TCF20: variants seen among roughly 807,000 people sequenced by gnomAD.
The protein encoded by TCF20 is SPRE-binding protein.
In TCF20, 3 loss-of-function variants were observed where a neutral mutation model predicts 148.6. The ratio of observed to expected loss-of-function variants is 0.02; its 90% CI spans 0.01 to 0.05. TCF20 has a LOEUF of 0.05. Ranked by LOEUF, TCF20 falls within the 10% of genes least tolerant of loss-of-function variation. The pLI, the probability that TCF20 is intolerant of heterozygous loss-of-function variation, is 1.00. For synonymous variants in TCF20, 1,049 were observed against 909.5 expected (o/e 1.15, Z -2.76); for missense variants, 2,350 against 2,429.3 (o/e 0.97, Z 0.69).
Position 42,211,179 on chromosome 22 carries a change from C to A in TCF20, c.4127G>T (p.Gly1376Val), listed in dbSNP as rs756498199. The change falls in exon 2 of 6, where the codon GGG becomes GTG. Residue 1376 changes from glycine (G) to valine (V), a missense_variant. This residue lies in a region of TCF20 where 231 missense variants were observed against 213.7 expected (regional missense o/e 1.08). Transcript: ENST00000677622. ...ATCATCAAGCGTAACCGTGTCTCCC[C>A]CAGCCTCCGCACTGTTCGAAGATGC... is the stretch of plus-strand genomic sequence containing the variant. ...RSASSNSAEA[G>V]GDTVTLDDIL... 1.2e-6 allele frequency: 2 copies of A among 1,614,198 alleles called. No individual in the cohort carries two copies. The highest frequency in any genetic ancestry group is 1.7e-6 in the Non-Finnish European group (2 of 1,180,042).
intron 1 of TCF20, among the ~76,000 whole-genome samples, chr22:42,218,155 C>T (rs1296587073): frequency 1.4e-4 from 21 of 152,198 alleles, no homozygotes; most frequent in Non-Finnish European, 4.4e-5. Context: ...AACACTAGCA[C>T]GCTCCTTTTA....
intron 2 of TCF20, among the ~76,000 whole-genome samples, chr22:42,203,540 A>T (rs1349308729): frequency 6.6e-6 from 1 of 152,238 alleles, no homozygotes; most frequent in African/African-American, 2.4e-5. Context: ...TCCTGAAAGA[A>T]AATGAACCTT....
chr22:42,190,479 C>A (rs936979430), intron 2 of TCF20, among the ~76,000 whole-genome samples: 1 of 150,620 alleles, frequency 6.6e-6, no homozygotes, highest in African/African-American at 2.4e-5. Flanking sequence ...CACACACACA[C>A]CCTGCACATA....
At chr22:42,179,518 AAAAG>A in intron 3 of TCF20, 87 bp downstream of exon 3, 1 of 862,166 alleles carries the variant, frequency 1.2e-6, no homozygotes. Context: ...AAAAGAAAAG[AAAAG>A]AAAAAAAACA....
intron 2 of TCF20, among the ~76,000 whole-genome samples, chr22:42,191,888 G>A (rs762928410): frequency 3.9e-5 from 6 of 152,224 alleles, no homozygotes; most frequent in Non-Finnish European, 1.5e-5. Context: ...CGGCAGCCCT[G>A]TGATGAAGAA....
chr22:42,276,818 C>T (rs1320606916), intron 1 of TCF20: 1 of 152,174 alleles, frequency 6.6e-6, no homozygotes, highest in Non-Finnish European at 1.5e-5. Flanking sequence ...TGCAAAATCA[C>T]GTTTGATTCC....
rs777620611 is a variant in TCF20 at position 42,214,775 on chromosome 22, C to T, written c.531G>A (p.Gln177=). ...GTTGTCTCAACTGCTGGACTTGCTG[C>T]TGCTGCTGCTGGCTGGAAGCCTGCT... The part of the protein sequence containing the change: ...YQQQASSQQQ[Q]QQVQQLRQQL... Residue 177 remains glutamine, a synonymous_variant, in exon 2 of 6, where the codon CAG becomes CAA. Transcript: ENST00000677622. 6.2e-7 allele frequency: 1 copy of T among 1,613,952 alleles called. No individual in the cohort carries two copies. The highest frequency in any genetic ancestry group is 8.5e-7 in the Non-Finnish European group (1 of 1,180,026).
At position 42,213,821 on chromosome 22, in the gene TCF20, T is replaced by C. The variant is rs56015707; in HGVS notation, c.1485A>G (p.Ala495=). Residue 495 remains alanine (A), a synonymous_variant, in exon 2 of 6, where the codon GCA becomes GCG. Transcript: ENST00000677622. ...AGCCTTCAGAATTTGTGCAGCTATC[T>C]GCTTTCTTGGAAGATGAGGGCCTCT... The part of the protein sequence containing the change: ...TSKRPSSSKK[A]DSCTNSEGSS... The C allele has an allele frequency of 1.9e-6, 3 of 1,614,204 alleles. No homozygotes were observed. The highest frequency in any genetic ancestry group is 2.5e-6 in the Non-Finnish European group (3 of 1,180,036).
chr22:42,218,977 T>A (rs989611288), intron 1 of TCF20, among the ~76,000 whole-genome samples: 1 of 152,052 alleles, frequency 6.6e-6, no homozygotes, highest in Non-Finnish European at 1.5e-5. Flanking sequence ...ATGAAGCACC[T>A]GAGTAGGAGA....
intron 2 of TCF20, among the ~76,000 whole-genome samples, chr22:42,192,825 G>A (rs889474402): frequency 1.3e-5 from 2 of 152,132 alleles, no homozygotes; most frequent in African/African-American, 4.8e-5. Context: ...GAAAAACTAC[G>A]TCCACACTAG....
At position 42,226,279 on chromosome 22, in the gene TCF20, G is replaced by C. The variant is rs1395219465; in HGVS notation, c.-36-10938C>G. On this transcript the variant is annotated intron_variant, in intron 1 of 5. Coordinates refer to ENST00000677622, the MANE Select transcript of TCF20 (RefSeq NM_001378418.1). ...TGCTGAGCGTAGGGGCTTCTGAGAT[G>C]TCATTGAATATATTTTTTCATTCAA... is the stretch of plus-strand genomic sequence containing the variant. Among the ~76,000 whole-genome samples the C allele has an allele frequency of 2.0e-5, 3 of 152,230 alleles. No individual in the cohort carries two copies. The East Asian group carries it at 5.8e-4, about 29-fold the overall frequency.
intron 1 of TCF20, among the ~76,000 whole-genome samples, chr22:42,316,007 CGTT>C (rs1391206271): frequency 6.8e-6 from 1 of 147,720 alleles, no homozygotes; most frequent in African/African-American, 2.5e-5. Flanking sequence ...CCAGGTTACT[CGTT>C]GTCAGGAGAA....
At chr22:42,254,076 CAAAAA>C (rs528387021) in intron 1 of TCF20, among the ~76,000 whole-genome samples, 243 of 53,586 alleles carry the variant, frequency 4.5e-3, no homozygotes, top group African/African-American at 0.012. Context: ...AACTCCCTTT[CAAAAA>C]AAAAAAAAAA....
intron 1 of TCF20, among the ~76,000 whole-genome samples, chr22:42,296,021 G>A (rs368473828): frequency 1.4e-4 from 21 of 152,184 alleles, no homozygotes; most frequent in African/African-American, 2.7e-4. Context: ...TGCCTTCCCC[G>A]TTTTCTAGCT....
rs1351242562 is a variant in TCF20 at position 42,213,175 on chromosome 22, C to T, written c.2131G>A (p.Asp711Asn). ...CGTGGCACGGCTGACCCGAAACTATCTTTGTAACTATAGCGCAGACTTCCA... is the reference window on the plus strand; with the variant it reads ...CGTGGCACGGCTGACCCGAAACTATTTTTGTAACTATAGCGCAGACTTCCA... Reference protein sequence around the residue: ...SPGSLRYSYKDSFGSAVPRNV... With the variant: ...SPGSLRYSYKNSFGSAVPRNV... The change falls in exon 2 of 6, where the codon GAT (aspartate) becomes AAT (asparagine). Residue 711 changes from aspartate to asparagine, a missense_variant. By Grantham distance (23) the Asp-to-Asn change is conservative. Around this residue, in one of 7 missense-constraint regions of TCF20, gnomAD observed 1,641 missense variants for 1,662.6 expected, o/e 0.99. Coordinates refer to ENST00000677622, the MANE Select transcript of TCF20 (RefSeq NM_001378418.1). The T allele has an allele frequency of 6.2e-7, 1 of 1,614,212 alleles. No homozygotes were observed. The highest frequency in any genetic ancestry group is 1.1e-5 in the South Asian group (1 of 91,084).
At position 42,338,627 on chromosome 22, in the gene TCF20, C is replaced by T. The variant is rs567770511; in HGVS notation, c.-37+4852G>A. Among the ~76,000 whole-genome samples the T allele has an allele frequency of 9.4e-4, 143 of 152,308 alleles. No individual in the cohort carries two copies. The highest frequency in any genetic ancestry group is 3.3e-3 in the African/African-American group (136 of 41,562). On this transcript the variant is annotated intron_variant, in intron 1 of 1. Coordinates refer to the TCF20 transcript ENST00000515426. This position sits in a 1 kb window ranked among gnomAD's most constrained non-coding sequence, Gnocchi z 4.0. ...AACGCGTTAGTGATTCCTGCCTGCT[C>T]GGGAAAGGCGGAGGCAGACAGCCAT...
chr22:42,289,602 T>C (rs2147024787), intron 1 of TCF20, among the ~76,000 whole-genome samples: 1 of 152,224 alleles, frequency 6.6e-6, no homozygotes, highest in Admixed American at 6.5e-5. Flanking sequence ...AAGTGTGCGG[T>C]GAAGCTGCAA....
chr22:42,252,088 G>A (rs1334322377), intron 1 of TCF20, among the ~76,000 whole-genome samples: 1 of 150,748 alleles, frequency 6.6e-6, no homozygotes, highest in Non-Finnish European at 1.5e-5. Context: ...TGGGCAACAT[G>A]GCGAAACTCT....
chr22:42,232,248 T>C (rs1350445012), intron 1 of TCF20, among the ~76,000 whole-genome samples: 2 of 152,148 alleles, frequency 1.3e-5, no homozygotes, highest in African/African-American at 2.4e-5. Flanking sequence ...CTAGGAGCAA[T>C]AGGCTATACC....
Sources: gnomAD v4.1 joint callset for allele counts (sites outside exome capture counted in the v4.1 genomes callset) on GRCh38, gnomAD v4.1.1 for gene constraint, gnomAD v4.1.1 regional missense constraint, Gnocchi (gnomAD v3.1) non-coding constraint, MANE v1.5 for transcripts, NCBI Gene and HGNC (gene_info 2026-07-23, HGNC 2026-07-21) for gene names.